Variants in PLEKHM3 observed in about 807,000 individuals in gnomAD.
PLEKHM3 encodes pleckstrin homology domain containing M3.
A neutral mutation model predicts 81.8 loss-of-function variants in PLEKHM3; 45 were observed. The observed-to-expected ratio is 0.55, with a 90% CI of 0.43 to 0.71. The LOEUF (loss-of-function observed/expected upper bound fraction) is 0.71. PLEKHM3 is among the 30% of genes least tolerant of loss of function. The probability of loss-of-function intolerance (pLI) is 0.00; values close to 1 mark genes in which losing one functional copy is unlikely to be tolerated. For synonymous variants in PLEKHM3, 352 were observed against 356.4 expected (o/e 0.99, Z 0.14); for missense variants, 788 against 924.3 (o/e 0.85, Z 1.91).
At chr2:208,012,190 C>T (rs900299797) in intron 1 of PLEKHM3, among the ~76,000 whole-genome samples, 24 of 152,142 alleles carry the variant, frequency 1.6e-4, no homozygotes, top group African/African-American at 5.3e-4. Context: ...TACAGGTGCC[C>T]GCCACCACGC....
rs2092242136 is a variant in PLEKHM3 at position 207,825,269 on chromosome 2, A to G, written c.*3050T>C. 6.6e-6 allele frequency: 1 copy of G among 152,142 alleles called. No individual in the cohort carries two copies. Among genetic ancestry groups the G allele is most frequent in the Admixed American group, 6.5e-5 (1 of 15,282 alleles). 9.4% of individuals were successfully genotyped at this position (152,142 alleles called of 1,614,324 possible). A position where few individuals can be genotyped will look rare whatever the true frequency, so the allele number is the denominator to read the frequency against. ...TCACCAGGGTTGGACGATCTCACAC[A>G]TGAGTTTCTGGCACTTTTAGGAGGG... On this transcript the variant is annotated 3_prime_UTR_variant, in exon 8 of 8. Transcript: ENST00000427836.
intron 5 of PLEKHM3, among the ~76,000 whole-genome samples, chr2:207,924,317 C>A (rs1182429415): frequency 1.3e-5 from 2 of 152,084 alleles, no homozygotes; most frequent in African/African-American, 4.8e-5. Flanking sequence ...GAGTGCTGGG[C>A]CAAACGTTGT....
chr2:207,959,778 G>T (rs1409757598), intron 3 of PLEKHM3, among the ~76,000 whole-genome samples: 1 of 152,162 alleles, frequency 6.6e-6, no homozygotes, highest in Admixed American at 6.5e-5. Context: ...CATAAGAGTG[G>T]ATCCGAGTAG....
Position 207,977,335 on chromosome 2 carries a change from G to A in PLEKHM3, c.862C>T (p.Leu288=), listed in dbSNP as rs1691352902. 1.9e-6 allele frequency: 3 copies of A among 1,614,138 alleles called. No individual in the cohort carries two copies. The East Asian group carries it at 6.7e-5, about 36-fold the overall frequency. The stretch of plus-strand genomic sequence containing the variant: ...GCCTCCCATGGTGACTCTGCCTTTA[G>A]CTGTAGCTGAGTGTTGTCATACAAA... The part of the protein sequence containing the change: ...TVLYDNTQLQ[L]KAESPWEALD... The change falls in exon 3 of 8, where the codon CTA becomes TTA. Residue 288 remains leucine, a synonymous_variant. Transcript: ENST00000427836.
At chr2:207,934,888 T>C (rs890766896) in intron 4 of PLEKHM3, among the ~76,000 whole-genome samples, 10 of 152,190 alleles carry the variant, frequency 6.6e-5, no homozygotes, top group Non-Finnish European at 1.2e-4. Context: ...TGTTCAGGTT[T>C]GCGTAATCCT....
At chr2:207,872,942 C>T (rs904860384) in intron 6 of PLEKHM3, among the ~76,000 whole-genome samples, 1 of 152,122 alleles carries the variant, frequency 6.6e-6, no homozygotes, top group Non-Finnish European at 1.5e-5. Context: ...AACAAAGCAA[C>T]TCCCTGTATG....
At chr2:207,877,400 T>G (rs2092564630) in intron 6 of PLEKHM3, among the ~76,000 whole-genome samples, 1 of 152,230 alleles carries the variant, frequency 6.6e-6, no homozygotes, top group African/African-American at 2.4e-5. Flanking sequence ...TAGATTCATT[T>G]GCTCCTGCTA....
chr2:207,988,073 TC>T (rs1181952389), intron 2 of PLEKHM3, among the ~76,000 whole-genome samples: 2 of 152,240 alleles, frequency 1.3e-5, no homozygotes, highest in African/African-American at 4.8e-5. Flanking sequence ...GATAATCTAT[TC>T]TTTTATTCAC....
In PLEKHM3 at chr2:208,001,679, C is replaced by G; in HGVS notation, c.-40G>C. The G allele has an allele frequency of 1.3e-6, 2 of 1,567,764 alleles. No homozygotes were observed. The highest frequency in any genetic ancestry group is 3.6e-4 in the Middle Eastern group (2 of 5,564). On this transcript the variant is annotated 5_prime_UTR_variant, in exon 2 of 8. Transcript: ENST00000427836. ...GAGGCCTTAGCCTCCTAAGCTGGTT[C>G]CAGAAATGGCTTCATGAACATTCAC...
chr2:207,936,846 AGTGTGTGTGTGT>A (rs57642698), intron 4 of PLEKHM3, among the ~76,000 whole-genome samples: 101 of 146,800 alleles, frequency 6.9e-4, no homozygotes, highest in Admixed American at 1.8e-3. Flanking sequence ...TAGATAAATT[AGTGTGTGTGTGT>A]GTGTGTGTGT....
intron 3 of PLEKHM3, among the ~76,000 whole-genome samples, chr2:207,967,244 T>C (rs911079130): frequency 6.6e-6 from 1 of 152,054 alleles, no homozygotes; most frequent in Admixed American, 6.6e-5. Flanking sequence ...ATCCTCCCAC[T>C]TCAGCCTCCC....
At chr2:207,954,954 G>C (rs971850091) in intron 3 of PLEKHM3, among the ~76,000 whole-genome samples, 1 of 152,096 alleles carries the variant, frequency 6.6e-6, no homozygotes, top group Non-Finnish European at 1.5e-5. Context: ...AAGATTTATT[G>C]GTCTTTCAGG....
At chr2:207,908,721 CT>C (rs2105901529) in intron 5 of PLEKHM3, 144 bp from the exon 6 acceptor site, 2 of 636,692 alleles carry the variant, frequency 3.1e-6, no homozygotes, top group East Asian at 6.2e-5. Flanking sequence ...TCTGAGGAAC[CT>C]GTAATATCTT....
At chr2:208,008,617 G>C (rs1692587101) in intron 1 of PLEKHM3, among the ~76,000 whole-genome samples, 1 of 151,214 alleles carries the variant, frequency 6.6e-6, no homozygotes, top group African/African-American at 2.4e-5. Context: ...CTCTTCTATA[G>C]CCACCAAGGG....
intron 2 of PLEKHM3, among the ~76,000 whole-genome samples, chr2:207,999,579 T>C (rs1692228902): frequency 6.6e-6 from 1 of 152,118 alleles, no homozygotes; most frequent in Non-Finnish European, 1.5e-5. Flanking sequence ...TATTCCAGCC[T>C]GGGAGACAAC....
At chr2:207,886,351 C>T (rs1216614509) in intron 6 of PLEKHM3, among the ~76,000 whole-genome samples, 1 of 152,056 alleles carries the variant, frequency 6.6e-6, no homozygotes, top group Non-Finnish European at 1.5e-5. Context: ...AACTGAAAGC[C>T]AAAGTCATTG....
At position 207,977,232 on chromosome 2, in the gene PLEKHM3, G is replaced by T. The variant is rs373834103; in HGVS notation, c.965C>A (p.Thr322Lys). ...ATGATGGCCAAGCCCTGGTGAGATT[G>T]TCAGCTCATTCTGCCGCCCCATGTA... ...PGYMGRQNEL[T>K]ISPGLGHHDD... The change falls in exon 3 of 8, where the codon ACA becomes AAA. Residue 322 changes from threonine to lysine, a missense_variant. Thr to Lys is a moderately conservative substitution (Grantham distance 78, BLOSUM62 -1). Coordinates refer to ENST00000427836, the MANE Select transcript of PLEKHM3 (RefSeq NM_001080475.3). 6.2e-7 allele frequency: 1 copy of T among 1,614,146 alleles called. No homozygotes were observed. Among genetic ancestry groups the T allele is most frequent in the South Asian group, 1.1e-5 (1 of 91,080 alleles).
chr2:207,915,099 T>C (rs577371784), intron 5 of PLEKHM3, among the ~76,000 whole-genome samples: 36 of 152,214 alleles, frequency 2.4e-4, no homozygotes, highest in African/African-American at 7.5e-4. Context: ...GAAAACCAAC[T>C]AGCACAATCG....
intron 6 of PLEKHM3, chr2:207,900,062 A>T (rs749439969): frequency 3.3e-5 from 5 of 152,204 alleles, no homozygotes; most frequent in Admixed American, 6.5e-5. Context: ...CAACCATTTT[A>T]TTATGGGCTC....
Sources: gnomAD v4.1 joint callset for allele counts (sites outside exome capture counted in the v4.1 genomes callset) on GRCh38, gnomAD v4.1.1 for gene constraint, MANE v1.5 for transcripts, NCBI Gene and HGNC (gene_info 2026-07-23, HGNC 2026-07-21) for gene names.